CCDC181: variants seen among roughly 807,000 people sequenced by gnomAD.
CCDC181 encodes the protein coiled-coil domain-containing protein 181.
In CCDC181, 35 loss-of-function variants were observed where a neutral mutation model predicts 58.7. The observed-to-expected ratio is 0.60, with a 90% CI of 0.46 to 0.79. The LOEUF is 0.79. Among genes scored for constraint, CCDC181 ranks in the 30% least tolerant of loss-of-function variants. CCDC181 has a pLI of 0.00. For synonymous variants in CCDC181, 183 were observed against 197.5 expected, an observed-to-expected ratio of 0.93 and a Z score of 0.62; for missense variants, 517 against 583.9, an observed-to-expected ratio of 0.89 and a Z score of 1.18.
intron 4 of CCDC181, among the ~76,000 whole-genome samples, chr1:169,408,602 G>A (rs1655799922): frequency 6.6e-6 from 1 of 152,164 alleles, no homozygotes; most frequent in East Asian, 1.9e-4. Context: ...TCCTGACTGG[G>A]AGACACCTCC....
chr1:169,451,575 TC>T (rs1657540681), intron 2 of CCDC181, among the ~76,000 whole-genome samples: 1 of 152,174 alleles, frequency 6.6e-6, no homozygotes, highest in Admixed American at 6.6e-5. Flanking sequence ...CTCCCTTTTT[TC>T]TTCTTTTTGA....
chr1:169,420,657 C>T (rs771278995), intron 3 of CCDC181, among the ~76,000 whole-genome samples: 2 of 152,100 alleles, frequency 1.3e-5, no homozygotes, highest in Non-Finnish European at 2.9e-5. Flanking sequence ...TAGAATTAGA[C>T]ATTTTGTATG....
chr1:169,408,216 G>T (rs990988243), intron 4 of CCDC181, among the ~76,000 whole-genome samples: 1 of 152,208 alleles, frequency 6.6e-6, no homozygotes, highest in South Asian at 2.1e-4. Flanking sequence ...GACCTGGGAC[G>T]CTCGAGCTTC....
At chr1:169,458,154 G>T (rs1209561074) in intron 2 of CCDC181, among the ~76,000 whole-genome samples, 1 of 149,512 alleles carries the variant, frequency 6.7e-6, no homozygotes, top group African/African-American at 2.5e-5. Context: ...CCAACCAAAG[G>T]CTGGGGCAAA....
At chr1:169,449,415 C>T (rs7537890) in intron 2 of CCDC181, among the ~76,000 whole-genome samples, 81,427 of 151,982 alleles carry the variant, frequency 0.54, 22,663 homozygotes, top group Non-Finnish European at 0.6. Context: ...CAGTGTTCAC[C>T]AAAGGGACAG....
intron 1 of CCDC181, among the ~76,000 whole-genome samples, chr1:169,426,986 A>G (rs1656738452): frequency 6.6e-6 from 1 of 152,200 alleles, no homozygotes; most frequent in Admixed American, 6.5e-5. Flanking sequence ...TCCCAGGGAC[A>G]AAATTATTAC....
At chr1:169,409,684 C>A (rs1655856319) in intron 4 of CCDC181, among the ~76,000 whole-genome samples, 2 of 152,152 alleles carry the variant, frequency 1.3e-5, no homozygotes, top group East Asian at 1.9e-4. Context: ...AGACTAAGAG[C>A]AGATCTCTCT....
chr1:169,400,054 A>T (rs1655252278), intron 4 of CCDC181, among the ~76,000 whole-genome samples: 1 of 152,140 alleles, frequency 6.6e-6, no homozygotes, highest in African/African-American at 2.4e-5. Context: ...ACATGTGTAG[A>T]GTGAGGCTCT....
upstream of CCDC181, chr1:169,427,556 A>G (rs1656771008): frequency 6.6e-6 from 1 of 152,240 alleles, no homozygotes; most frequent in Non-Finnish European, 1.5e-5. Context: ...GCGAAGGGCC[A>G]GTGAAGCTGA....
intron 2 of CCDC181, among the ~76,000 whole-genome samples, chr1:169,457,046 AT>A: frequency 6.6e-6 from 1 of 152,072 alleles, no homozygotes; most frequent in East Asian, 1.9e-4. Context: ...GTAGGAAGTT[AT>A]TTTCCTTCAG....
At chr1:169,436,611 C>T (rs1195390717) in intron 2 of CCDC181, among the ~76,000 whole-genome samples, 1 of 152,164 alleles carries the variant, frequency 6.6e-6, no homozygotes, top group Admixed American at 6.5e-5. Context: ...TCTCTTCTAA[C>T]GGCAAGCAGA....
chr1:169,417,168 G>A (rs1464404736), intron 4 of CCDC181, among the ~76,000 whole-genome samples: 1 of 152,076 alleles, frequency 6.6e-6, no homozygotes, highest in Non-Finnish European at 1.5e-5. Context: ...AATTTAATCC[G>A]ATTCTGATAA....
In CCDC181 at chr1:169,423,325, CTTAT is replaced by C. The variant is rs775948279; in HGVS notation, c.118-1016_118-1013del. 6.7e-4 allele frequency among the ~76,000 whole-genome samples: 101 copies of C among 151,800 alleles called. 1 individual carries two copies. Among genetic ancestry groups the C allele is most frequent in the Admixed American group, 6.6e-3 (100 of 15,236 alleles). On this transcript the variant is annotated intron_variant, in intron 2 of 5. Coordinates refer to ENST00000367806, the MANE Select transcript of CCDC181 (RefSeq NM_001300969.2). The stretch of plus-strand genomic sequence containing the variant: ...CTGTATCACAAGTGTTCATTTTAGC[CTTAT>C]TTGTTTCTCTAGTTGACTCTTTTTT...
In CCDC181 at chr1:169,426,239, G is replaced by A. The variant is rs116349084; in HGVS notation, c.-24+1049C>T. 1.8e-3 allele frequency among the ~76,000 whole-genome samples: 276 copies of A among 152,184 alleles called. 1 individual carries two copies. Among genetic ancestry groups the A allele is most frequent in the African/African-American group, 6.2e-3 (257 of 41,538 alleles). ...AATCCCTTAAGCCTTTTTCAAATGCGTCACAGGATATTCAACCCCTTCAAT... is the reference window on the plus strand; with the variant it reads ...AATCCCTTAAGCCTTTTTCAAATGCATCACAGGATATTCAACCCCTTCAAT... On this transcript the variant is annotated intron_variant, in intron 1 of 5. Coordinates refer to ENST00000367806, the MANE Select transcript of CCDC181 (RefSeq NM_001300969.2).
At chr1:169,454,755 T>C (rs1015821422) in intron 2 of CCDC181, among the ~76,000 whole-genome samples, 2 of 152,032 alleles carry the variant, frequency 1.3e-5, no homozygotes, top group South Asian at 4.2e-4. Flanking sequence ...ACATTACCAA[T>C]GTTCATGACC....
intron 2 of CCDC181, among the ~76,000 whole-genome samples, chr1:169,459,403 C>T (rs1358411239): frequency 5.3e-5 from 8 of 152,180 alleles, no homozygotes; most frequent in African/African-American, 1.9e-4. Context: ...CATCTGGGAG[C>T]ACCTTAGCCC....
rs1211519946 is a variant in CCDC181, at chr1:169,418,996, A to G, written c.1215+17T>C. ...TCATATCTGTATGAACTTATTTTTC[A>G]GAGAAGTTTTACTTACTCTACTGTT... is the stretch of plus-strand genomic sequence containing the variant. On this transcript the variant is annotated intron_variant, in intron 4 of 5. Coordinates refer to ENST00000367806, the MANE Select transcript of CCDC181 (RefSeq NM_001300969.2). 1.3e-6 allele frequency: 2 copies of G among 1,593,902 alleles called. No individual in the cohort carries two copies. Among genetic ancestry groups the G allele is most frequent in the African/African-American group, 2.7e-5 (2 of 74,358 alleles).
At chr1:169,447,923 TCA>T (rs1349164168) in intron 2 of CCDC181, among the ~76,000 whole-genome samples, 1 of 152,218 alleles carries the variant, frequency 6.6e-6, no homozygotes, top group Non-Finnish European at 1.5e-5. Flanking sequence ...GTTACTTTTT[TCA>T]TATCTTTTTC....
intron 2 of CCDC181, among the ~76,000 whole-genome samples, chr1:169,452,284 A>G (rs1303967759): frequency 1.3e-5 from 2 of 152,156 alleles, no homozygotes; most frequent in African/African-American, 2.4e-5. Context: ...ACATGTTTCA[A>G]TAAAAAATGC....
Sources: allele counts gnomAD v4.1 joint callset (sites outside exome capture counted in the v4.1 genomes callset), GRCh38; gene constraint gnomAD v4.1.1; transcripts MANE v1.5; gene names NCBI Gene and HGNC (gene_info 2026-07-23, HGNC 2026-07-21).